Variants in TENM4 observed in about 807,000 individuals in gnomAD.
TENM4 encodes teneurin transmembrane protein 4, also known as teneurin-4.
Under a neutral mutation model 243.3 loss-of-function variants are expected in TENM4, and 82 were observed. The ratio of observed to expected loss-of-function variants is 0.34; its 90% CI spans 0.28 to 0.40. The LOEUF is 0.40. Ranked by LOEUF, TENM4 falls within the 10% of genes least tolerant of loss-of-function variation. The pLI, the probability that TENM4 is intolerant of heterozygous loss-of-function variation, is 1.00. For missense variants in TENM4, 3,138 were observed against 3,673.3 expected, an observed-to-expected ratio of 0.85 and a Z score of 3.77; for synonymous variants, 1,412 against 1,456.3, an observed-to-expected ratio of 0.97 and a Z score of 0.69.
chr11:78,729,407 G>A lies in TENM4; in HGVS notation c.3375C>T (p.Asn1125=). Residue 1125 remains asparagine, a synonymous_variant, in exon 22 of 34, where the codon AAC becomes AAT. Transcript: ENST00000278550. ...YFIWDKTDVY[N]QKVFGLSEAF... Reference sequence around the variant, plus strand: ...CTTCTGAAAGCCCAAACACCTTCTGGTTGTAGACGTCTGTCTTGTCCCAAA... The same window carrying A: ...CTTCTGAAAGCCCAAACACCTTCTGATTGTAGACGTCTGTCTTGTCCCAAA... The A allele has an allele frequency of 6.3e-7, 1 of 1,584,350 alleles. No individual in the cohort carries two copies. The highest frequency in any genetic ancestry group is 1.1e-5 in the South Asian group (1 of 87,366).
At chr11:78,955,549 A>C (rs1042395381) in intron 6 of TENM4, among the ~76,000 whole-genome samples, 3 of 151,978 alleles carry the variant, frequency 2.0e-5, no homozygotes, top group Non-Finnish European at 4.4e-5. Context: ...AGGAATTCCT[A>C]GGTCCAATCA....
chr11:79,376,918 C>A (rs954198309), intron 1 of TENM4, among the ~76,000 whole-genome samples: 1 of 152,186 alleles, frequency 6.6e-6, no homozygotes, highest in Non-Finnish European at 1.5e-5. Flanking sequence ...GGTACTATCC[C>A]TCGGAACAGG....
chr11:78,738,475 T>G lies in TENM4; in HGVS notation c.2852A>C (p.Tyr951Ser), dbSNP rs773543096. 6.2e-7 allele frequency: 1 copy of G among 1,613,784 alleles called. No homozygotes were observed. Among genetic ancestry groups the G allele is most frequent in the African/African-American group, 1.3e-5 (1 of 74,934 alleles). Reference sequence around the variant, plus strand: ...CCTGCCATCTTGCCTGCTGATTGTATATCCAAAGAGAGGGTTATTGACAAA... The same window carrying G: ...CCTGCCATCTTGCCTGCTGATTGTAGATCCAAAGAGAGGGTTATTGACAAA... ...ISFVNNPLFG[Y>S]TISRQDGSFD... Residue 951 changes from tyrosine to serine, a missense_variant, in exon 20 of 34, where the codon TAT becomes TCT. Tyr to Ser is a moderately radical substitution (Grantham distance 144). Transcript: ENST00000278550.
At chr11:79,427,173 G>A (rs547965892) in intron 1 of TENM4, among the ~76,000 whole-genome samples, 247 of 152,306 alleles carry the variant, frequency 1.6e-3, no homozygotes, top group Non-Finnish European at 2.6e-3. Context: ...CCAGACTAGA[G>A]GGACCCTGGT....
chr11:78,877,043 C>T (rs1443169489), intron 9 of TENM4, among the ~76,000 whole-genome samples: 1 of 152,142 alleles, frequency 6.6e-6, no homozygotes, highest in East Asian at 1.9e-4. Flanking sequence ...ATGAGGAAAC[C>T]AACATACAGA....
chr11:79,392,771 GTC>G (rs1398328271), intron 1 of TENM4, among the ~76,000 whole-genome samples: 3 of 152,212 alleles, frequency 2.0e-5, no homozygotes, highest in Non-Finnish European at 4.4e-5. Flanking sequence ...AGGGTTTAAG[GTC>G]TTCCTAAACA....
chr11:78,840,638 C>A (rs1858236964), intron 12 of TENM4, among the ~76,000 whole-genome samples: 1 of 152,212 alleles, frequency 6.6e-6, no homozygotes, highest in Non-Finnish European at 1.5e-5. Flanking sequence ...TTCCCCCAAA[C>A]AGAGATTCTT....
chr11:79,201,059 A>G (rs982886313), intron 3 of TENM4, among the ~76,000 whole-genome samples: 19 of 152,350 alleles, frequency 1.2e-4, no homozygotes, highest in Admixed American at 9.8e-4. Context: ...TCCAACTGGT[A>G]CAGCGGGGCC....
chr11:79,098,595 C>G (rs1861145846), intron 4 of TENM4, among the ~76,000 whole-genome samples: 1 of 152,210 alleles, frequency 6.6e-6, no homozygotes, highest in Non-Finnish European at 1.5e-5. Context: ...TAACCGGGAG[C>G]TCATGCACAC....
At chr11:78,726,960 T>C (rs58142343) in intron 22 of TENM4, among the ~76,000 whole-genome samples, 6,860 of 152,162 alleles carry the variant, frequency 0.045, 537 homozygotes, top group African/African-American at 0.16. Flanking sequence ...CTTCACCACA[T>C]TATTTAATAT....
chr11:79,377,830 G>A (rs1355471616), intron 1 of TENM4, among the ~76,000 whole-genome samples: 4 of 152,048 alleles, frequency 2.6e-5, no homozygotes, highest in Non-Finnish European at 5.9e-5. Flanking sequence ...AAGCTATAAC[G>A]TCCTAGAAAG....
intron 9 of TENM4, among the ~76,000 whole-genome samples, chr11:78,865,685 G>A (rs1266943128): frequency 6.6e-6 from 1 of 152,170 alleles, no homozygotes; most frequent in East Asian, 1.9e-4. Context: ...CTGAACACAA[G>A]CCATGGGGAA....
chr11:79,341,589 G>A (rs1358381921), intron 1 of TENM4, among the ~76,000 whole-genome samples: 1 of 152,214 alleles, frequency 6.6e-6, no homozygotes, highest in Non-Finnish European at 1.5e-5. Flanking sequence ...ATGTATGTAA[G>A]CGTTGGTCTC....
At chr11:78,952,729 A>G (rs1295499315) in intron 6 of TENM4, among the ~76,000 whole-genome samples, 1 of 152,158 alleles carries the variant, frequency 6.6e-6, no homozygotes. Context: ...ACCAGTAAAC[A>G]CTAAACACCT....
intron 30 of TENM4, among the ~76,000 whole-genome samples, chr11:78,674,882 T>G (rs934841701): frequency 1.3e-4 from 19 of 151,994 alleles, no homozygotes; most frequent in Non-Finnish European, 2.4e-4. Context: ...TTTTTTTTTT[T>G]TGAGACAGAG....
chr11:79,263,125 A>G (rs915909486), intron 2 of TENM4, among the ~76,000 whole-genome samples: 1 of 152,148 alleles, frequency 6.6e-6, no homozygotes, highest in African/African-American at 2.4e-5. Flanking sequence ...CAGGAACCCA[A>G]TGCATGGAGG....
At chr11:78,830,051 G>C (rs1046731734) in intron 12 of TENM4, among the ~76,000 whole-genome samples, 6 of 152,186 alleles carry the variant, frequency 3.9e-5, no homozygotes, top group African/African-American at 1.4e-4. Context: ...AACACACAGG[G>C]ATGCACCCAC....
At chr11:79,375,487 C>G (rs1857873742) in intron 1 of TENM4, among the ~76,000 whole-genome samples, 1 of 152,112 alleles carries the variant, frequency 6.6e-6, no homozygotes, top group Non-Finnish European at 1.5e-5. Flanking sequence ...TTAAAAAATG[C>G]ACTGAAAACT....
intron 13 of TENM4, among the ~76,000 whole-genome samples, 158 bp from the exon 14 acceptor site, chr11:78,812,474 A>C (rs368910382): frequency 9.9e-5 from 15 of 152,126 alleles, no homozygotes; most frequent in South Asian, 2.1e-4. Context: ...CTCTTGCTTT[A>C]TTTCTTTCCA....
Sources: gnomAD v4.1 joint callset for allele counts (sites outside exome capture counted in the v4.1 genomes callset) on GRCh38, gnomAD v4.1.1 for gene constraint, MANE v1.5 for transcripts, NCBI Gene and HGNC (gene_info 2026-07-23, HGNC 2026-07-21) for gene names.